MED27: variants seen among roughly 807,000 people sequenced by gnomAD.
MED27 encodes the protein mediator of RNA polymerase II transcription subunit 27.
In MED27, 30 loss-of-function variants were observed where a neutral mutation model predicts 38.2. The ratio of observed to expected loss-of-function variants is 0.79; its 90% CI spans 0.59 to 1.07. The LOEUF (loss-of-function observed/expected upper bound fraction) is 1.07. Among genes scored for constraint, MED27 ranks in the 50% least tolerant of loss-of-function variants. MED27 has a pLI of 0.00. For missense variants in MED27, 289 were observed against 397.5 expected (o/e 0.73, Z 2.32); for synonymous variants, 122 against 153.5 (o/e 0.79, Z 1.52).
In MED27 at chr9:131,997,999, T is replaced by C. The variant is rs1832130176; in HGVS notation, c.479+16338A>G. Among the ~76,000 whole-genome samples, 1 of 152,166 alleles carries C rather than the reference T, an allele frequency of 6.6e-6. No homozygotes were observed. The highest frequency in any genetic ancestry group is 1.5e-5 in the Non-Finnish European group (1 of 68,026). On this transcript the variant is annotated intron_variant, in intron 3 of 7. Transcript: ENST00000292035. This position sits in a 1 kb window ranked among gnomAD's most constrained non-coding sequence, Gnocchi z 4.0. ...AGAAATATCTGTTCCCACTGGCTGA[T>C]AAAGTCTTGCTGCTCTGCCAAAAAG... is the stretch of plus-strand genomic sequence containing the variant.
At chr9:131,892,574 C>T (rs1839246892) in intron 5 of MED27, among the ~76,000 whole-genome samples, 1 of 152,156 alleles carries the variant, frequency 6.6e-6, no homozygotes, top group East Asian at 1.9e-4. Flanking sequence ...TTTGTAAGTC[C>T]TTGGCAAGCA....
chr9:132,049,766 G>C (rs1833420658), intron 2 of MED27, among the ~76,000 whole-genome samples: 1 of 152,134 alleles, frequency 6.6e-6, no homozygotes, highest in African/African-American at 2.4e-5. Context: ...CTGTCTGCGA[G>C]ACTGGCTCCC....
Position 132,051,291 on chromosome 9 carries a change from G to A in MED27, c.348+26151C>T, listed in dbSNP as rs1394496548. Among the ~76,000 whole-genome samples, 2 of 152,194 alleles carry A rather than the reference G, an allele frequency of 1.3e-5. No homozygotes were observed. The highest frequency in any genetic ancestry group is 4.8e-5 in the African/African-American group (2 of 41,450). On this transcript the variant is annotated intron_variant, in intron 2 of 7. Transcript: ENST00000292035. This position sits in a 1 kb window ranked among gnomAD's most constrained non-coding sequence, Gnocchi z 4.2. ...AGCTTTCCTGAGTGGGAAAGAAAGG[G>A]GTAGAATTACAGCTAGCTAGTACAT...
chr9:131,989,227 G>C (rs1831919604), intron 3 of MED27, among the ~76,000 whole-genome samples: 1 of 152,190 alleles, frequency 6.6e-6, no homozygotes, highest in Non-Finnish European at 1.5e-5. Flanking sequence ...GTGAATGCTA[G>C]AAAAGAACGC....
chr9:132,065,656 T>C (rs1297065447), intron 2 of MED27, among the ~76,000 whole-genome samples: 2 of 152,206 alleles, frequency 1.3e-5, no homozygotes, highest in Non-Finnish European at 2.9e-5. Context: ...TGCAGCTGCC[T>C]TCCTCATAAA....
intron 4 of MED27, among the ~76,000 whole-genome samples, chr9:131,926,328 G>A (rs1024624013): frequency 6.6e-6 from 1 of 152,312 alleles, no homozygotes; most frequent in Admixed American, 6.5e-5. Flanking sequence ...CACTAGAGCT[G>A]GGACTTACCA....
intron 3 of MED27, among the ~76,000 whole-genome samples, chr9:131,965,447 C>G (rs1490852322): frequency 6.6e-6 from 1 of 152,240 alleles, no homozygotes; most frequent in Non-Finnish European, 1.5e-5. Flanking sequence ...GTACTCAGCA[C>G]AGTGGGAACC....
intron 2 of MED27, among the ~76,000 whole-genome samples, chr9:132,058,106 C>T (rs1564343835): frequency 6.6e-6 from 1 of 152,106 alleles, no homozygotes; most frequent in Non-Finnish European, 1.5e-5. Context: ...AAAGTAAAAA[C>T]TTTAAGCTGA....
chr9:131,860,191 G>A lies in MED27; in HGVS notation c.*347C>T, dbSNP rs988328558. 4 of 219,824 alleles carry A rather than the reference G, an allele frequency of 1.8e-5. No individual in the cohort carries two copies. The highest frequency in any genetic ancestry group is 5.7e-5 in the Admixed American group (1 of 17,696). 13.6% of individuals were successfully genotyped at this position (219,824 alleles called of 1,614,324 possible). On this transcript the variant is annotated 3_prime_UTR_variant, in exon 8 of 8. Coordinates refer to ENST00000292035, the MANE Select transcript of MED27 (RefSeq NM_004269.4). The surrounding 1 kb of genome is among the most constrained non-coding windows in gnomAD (Gnocchi z 5.8). ...ACAAAACACAAGAACCCCGCATGAC[G>A]ATACCCATGAACACAAGGGCTCATT...
At chr9:132,049,442 G>C (rs1475654034) in intron 2 of MED27, among the ~76,000 whole-genome samples, 14 of 152,188 alleles carry the variant, frequency 9.2e-5, no homozygotes. Context: ...AGCTTCTGCA[G>C]GCATGTGCTC....
At chr9:132,061,133 AG>A (rs1055932516) in intron 2 of MED27, among the ~76,000 whole-genome samples, 1 of 152,226 alleles carries the variant, frequency 6.6e-6, no homozygotes, top group Non-Finnish European at 1.5e-5. Flanking sequence ...TAGGATAGAA[AG>A]GGGGGCGGCA....
At chr9:132,078,719 G>A (rs1489981177) in intron 1 of MED27, among the ~76,000 whole-genome samples, 3 of 152,136 alleles carry the variant, frequency 2.0e-5, no homozygotes, top group African/African-American at 7.2e-5. Flanking sequence ...AGGATGACTA[G>A]CTCACCAAAT....
chr9:131,891,521 T>C (rs943738412), intron 5 of MED27, among the ~76,000 whole-genome samples: 8 of 152,194 alleles, frequency 5.3e-5, no homozygotes, highest in Non-Finnish European at 1.2e-4. Context: ...CTGTAAGATA[T>C]TCATAAGGCA....
At chr9:131,978,167 CAT>C (rs1259229918) in intron 3 of MED27, among the ~76,000 whole-genome samples, 2 of 152,128 alleles carry the variant, frequency 1.3e-5, no homozygotes, top group Non-Finnish European at 2.9e-5. Flanking sequence ...AGCACAGACA[CAT>C]GTTTAACGAA....
chr9:131,972,630 A>T (rs900147511), intron 3 of MED27, among the ~76,000 whole-genome samples: 8 of 152,218 alleles, frequency 5.3e-5, no homozygotes, highest in African/African-American at 1.7e-4. Flanking sequence ...GAACTCTCCA[A>T]GTCCCTGGGC....
intron 4 of MED27, among the ~76,000 whole-genome samples, chr9:131,929,727 T>A (rs959845440): frequency 6.6e-6 from 1 of 152,106 alleles, no homozygotes; most frequent in Non-Finnish European, 1.5e-5. Context: ...TGCAGTAGAA[T>A]AGAGTACCAG....
At chr9:131,988,822 AACAGTAGACT>A (rs1486319367) in intron 3 of MED27, among the ~76,000 whole-genome samples, 1 of 152,216 alleles carries the variant, frequency 6.6e-6, no homozygotes, top group Non-Finnish European at 1.5e-5. Flanking sequence ...TCAACAGTAG[AACAGTAGACT>A]ATTAGCAGTT....
At chr9:131,946,053 C>A (rs901667657) in intron 3 of MED27, among the ~76,000 whole-genome samples, 14 of 151,094 alleles carry the variant, frequency 9.3e-5, no homozygotes, top group African/African-American at 3.4e-4. Context: ...CCTCTAGGTT[C>A]ATCCATGTTG....
At chr9:131,992,466 C>T (rs1831996732) in intron 3 of MED27, among the ~76,000 whole-genome samples, 1 of 152,174 alleles carries the variant, frequency 6.6e-6, no homozygotes, top group African/African-American at 2.4e-5. Context: ...GGCGTGATCA[C>T]AGCTCACTGC....
Sources: allele counts gnomAD v4.1 joint callset (sites outside exome capture counted in the v4.1 genomes callset), GRCh38; gene constraint gnomAD v4.1.1; non-coding constraint Gnocchi (gnomAD v3.1); transcripts MANE v1.5; gene names NCBI Gene and HGNC (gene_info 2026-07-23, HGNC 2026-07-21).